GPR63: variants seen among roughly 807,000 people sequenced by gnomAD.
GPR63 encodes the protein probable G protein-coupled receptor 63.
A neutral mutation model predicts 23.1 loss-of-function variants in GPR63; 12 were observed. That is an observed-to-expected ratio of 0.52 (90% CI 0.33 to 0.84). The LOEUF is 0.84. GPR63 is among the 40% of genes least tolerant of loss of function. The pLI is 0.02. For synonymous variants in GPR63, 172 were observed against 191.1 expected (o/e 0.90, Z 0.82); for missense variants, 472 against 515.6 (o/e 0.92, Z 0.82).
At chr6:96,811,126 G>A (rs1174889810) in intron 1 of GPR63, among the ~76,000 whole-genome samples, 3 of 152,230 alleles carry the variant, frequency 2.0e-5, no homozygotes, top group Non-Finnish European at 4.4e-5. Context: ...CACCAGCCCC[G>A]GTCTCAGTCC....
intron 1 of GPR63, among the ~76,000 whole-genome samples, chr6:96,832,220 T>C (rs1285077180): frequency 1.3e-5 from 2 of 151,954 alleles, no homozygotes; most frequent in Admixed American, 1.3e-4. Flanking sequence ...GTATAATTCT[T>C]CTTTTCTTTT....
Position 96,797,573 on chromosome 6 carries a change from T to C in GPR63, c.*899A>G, listed in dbSNP as rs1414671624. 2 of 152,156 alleles carry C rather than the reference T, an allele frequency of 1.3e-5. No homozygotes were observed. Among genetic ancestry groups the C allele is most frequent in the Admixed American group, 1.3e-4 (2 of 15,276 alleles). 9.4% of individuals were successfully genotyped at this position (152,156 alleles called of 1,614,324 possible). A position where few individuals can be genotyped will look rare whatever the true frequency, so the allele number is the denominator to read the frequency against. ...ATAATACCTACCTCACAACATCCTGTAAGGATAAAATGATGCACAGTGCCT... is the reference window on the plus strand; with the variant it reads ...ATAATACCTACCTCACAACATCCTGCAAGGATAAAATGATGCACAGTGCCT... On this transcript the variant is annotated 3_prime_UTR_variant, in exon 2 of 2. Transcript: ENST00000229955.
intron 1 of GPR63, among the ~76,000 whole-genome samples, chr6:96,829,893 T>C (rs981422983): frequency 6.6e-6 from 1 of 151,992 alleles, no homozygotes; most frequent in Non-Finnish European, 1.5e-5. Context: ...AACAAATATA[T>C]AAATATTTTC....
At position 96,799,458 on chromosome 6, in the gene GPR63, G is replaced by T. The variant is rs1323046555; in HGVS notation, c.274C>A (p.Leu92Met). The T allele has an allele frequency of 6.2e-7, 1 of 1,614,078 alleles. No homozygotes were observed. The highest frequency in any genetic ancestry group is 2.2e-5 in the East Asian group (1 of 44,878). Residue 92 changes from leucine to methionine, a missense_variant, in exon 2 of 2, where the codon CTG becomes ATG. Coordinates refer to ENST00000229955, the MANE Select transcript of GPR63 (RefSeq NM_030784.4). ...AAGTTCCCAAGAAAAGACACAAACAGAATGAATATCATTATAGCAGAAAGG... is the reference window on the plus strand; with the variant it reads ...AAGTTCCCAAGAAAAGACACAAACATAATGAATATCATTATAGCAGAAAGG... Reference protein sequence around the residue: ...ITLSAIMIFILFVSFLGNLVV... With the variant: ...ITLSAIMIFIMFVSFLGNLVV...
chr6:96,829,184 C>T (rs1774516844), intron 1 of GPR63, among the ~76,000 whole-genome samples: 2 of 152,160 alleles, frequency 1.3e-5, no homozygotes, highest in African/African-American at 4.8e-5. Flanking sequence ...AGAGAATACA[C>T]ATCGTTTTAA....
chr6:96,835,379 A>G (rs1774699500), intron 1 of GPR63, among the ~76,000 whole-genome samples: 1 of 152,146 alleles, frequency 6.6e-6, no homozygotes, highest in Non-Finnish European at 1.5e-5. Flanking sequence ...GGATACATAA[A>G]TATAGATATA....
At position 96,799,457 on chromosome 6, in the gene GPR63, A is replaced by G. The variant is rs1773698994; in HGVS notation, c.275T>C (p.Leu92Pro). 1 of 1,614,074 alleles carries G rather than the reference A, an allele frequency of 6.2e-7. No homozygotes were observed. The highest frequency in any genetic ancestry group is 1.1e-5 in the South Asian group (1 of 91,086). Residue 92 changes from leucine to proline, a missense_variant, in exon 2 of 2, where the codon CTG becomes CCG. Transcript: ENST00000229955. Reference protein sequence around the residue: ...ITLSAIMIFILFVSFLGNLVV... With the variant: ...ITLSAIMIFIPFVSFLGNLVV... ...CAAGTTCCCAAGAAAAGACACAAAC[A>G]GAATGAATATCATTATAGCAGAAAG...
chr6:96,798,938 A>G lies in GPR63; in HGVS notation c.794T>C (p.Ile265Thr). The G allele has an allele frequency of 6.2e-7, 1 of 1,614,200 alleles. No homozygotes were observed. The highest frequency in any genetic ancestry group is 8.5e-7 in the Non-Finnish European group (1 of 1,180,036). Residue 265 changes from isoleucine to threonine, a missense_variant, in exon 2 of 2, where the codon ATA becomes ACA. Coordinates refer to ENST00000229955, the MANE Select transcript of GPR63 (RefSeq NM_030784.4). ...FLVILYSFMGILNTLRHNALR... is the reference protein window; with the variant it reads ...FLVILYSFMGTLNTLRHNALR... ...GGCATTGTGCCGAAGGGTGTTGAGT[A>G]TGCCCATAAATGAGTACAGTATTAC...
In GPR63 at chr6:96,829,960, C is replaced by A. The variant is rs150150961; in HGVS notation, c.-151+7308G>T. On this transcript the variant is annotated intron_variant, in intron 1 of 1. Transcript: ENST00000229955. ...TCTACTATATATTATACATTATATA[C>A]AATAAATTAACAAAAAACAAATTAC... 5.9e-4 allele frequency among the ~76,000 whole-genome samples: 89 copies of A among 152,128 alleles called. 1 individual carries two copies. Among genetic ancestry groups the A allele is most frequent in the Middle Eastern group, 6.8e-3 (2 of 294 alleles).
At chr6:96,835,129 T>C (rs1467281455) in intron 1 of GPR63, among the ~76,000 whole-genome samples, 3 of 152,200 alleles carry the variant, frequency 2.0e-5, no homozygotes, top group African/African-American at 4.8e-5. Context: ...TATGGTTCCC[T>C]GATCCAAGCC....
chr6:96,821,862 G>A (rs1774321859), intron 1 of GPR63, among the ~76,000 whole-genome samples: 2 of 151,994 alleles, frequency 1.3e-5, no homozygotes, highest in Non-Finnish European at 2.9e-5. Flanking sequence ...TAATCTCTTG[G>A]CGTAACAGAC....
chr6:96,806,147 C>T (rs1773890522), intron 1 of GPR63, among the ~76,000 whole-genome samples: 1 of 152,186 alleles, frequency 6.6e-6, no homozygotes, highest in African/African-American at 2.4e-5. Context: ...CTGTCTATTA[C>T]ATGCTGACTA....
chr6:96,834,460 T>C (rs1365725619), intron 1 of GPR63, among the ~76,000 whole-genome samples: 1 of 152,168 alleles, frequency 6.6e-6, no homozygotes, highest in African/African-American at 2.4e-5. Context: ...ATCTCAAATG[T>C]TGTGTTTTGA....
At chr6:96,807,004 C>T (rs948312316) in intron 1 of GPR63, among the ~76,000 whole-genome samples, 3 of 152,222 alleles carry the variant, frequency 2.0e-5, no homozygotes, top group Non-Finnish European at 2.9e-5. Flanking sequence ...GAGAAAACCT[C>T]CCAGTGGGCA....
At chr6:96,805,329 G>A (rs1393569566) in intron 1 of GPR63, among the ~76,000 whole-genome samples, 1 of 152,126 alleles carries the variant, frequency 6.6e-6, no homozygotes, top group East Asian at 1.9e-4. Flanking sequence ...CAGATCTTGT[G>A]TGAACTCAGT....
At chr6:96,836,765 C>T (rs1180127652) in intron 1 of GPR63, among the ~76,000 whole-genome samples, 2 of 152,126 alleles carry the variant, frequency 1.3e-5, no homozygotes, top group African/African-American at 4.8e-5. Flanking sequence ...AAGAGGGAAC[C>T]TCTCTTAACT....
At chr6:96,832,883 G>A (rs1324194827) in intron 1 of GPR63, among the ~76,000 whole-genome samples, 1 of 152,000 alleles carries the variant, frequency 6.6e-6, no homozygotes, top group East Asian at 1.9e-4. Flanking sequence ...CACCAAACCT[G>A]TAAGTGGGTG....
At chr6:96,819,325 A>T (rs568396280) in intron 1 of GPR63, among the ~76,000 whole-genome samples, 226 of 152,336 alleles carry the variant, frequency 1.5e-3, no homozygotes, top group Non-Finnish European at 2.6e-3. Context: ...TACACCATGG[A>T]ATACTATGCA....
At chr6:96,819,509 G>C (rs915940035) in intron 1 of GPR63, among the ~76,000 whole-genome samples, 3 of 151,918 alleles carry the variant, frequency 2.0e-5, no homozygotes, top group Non-Finnish European at 2.9e-5. Flanking sequence ...ACACACTGGG[G>C]CCTGTCGGGG....
Sources: allele counts gnomAD v4.1 joint callset (sites outside exome capture counted in the v4.1 genomes callset), GRCh38; gene constraint gnomAD v4.1.1; transcripts MANE v1.5; gene names NCBI Gene and HGNC (gene_info 2026-07-23, HGNC 2026-07-21).